Variants in SLC9A9 observed in about 807,000 individuals in gnomAD.
SLC9A9 encodes the protein sodium/hydrogen exchanger 9.
Under a neutral mutation model 77.8 loss-of-function variants are expected in SLC9A9, and 62 were observed. The ratio of observed to expected loss-of-function variants is 0.80; its 90% CI spans 0.65 to 0.98. The LOEUF (loss-of-function observed/expected upper bound fraction) is 0.98. Among genes scored for constraint, SLC9A9 ranks in the 50% least tolerant of loss-of-function variants. The probability of loss-of-function intolerance (pLI) is 0.00; values close to 1 mark genes in which losing one functional copy is unlikely to be tolerated. For synonymous variants in SLC9A9, 320 were observed against 283.5 expected (o/e 1.13, Z -1.29); for missense variants, 775 against 774.9 (o/e 1.00, Z 0.00).
chr3:143,796,798 A>G, intron 3 of SLC9A9, 28 bp downstream of exon 3: 1 of 1,519,970 alleles, frequency 6.6e-7, no homozygotes, highest in Non-Finnish European at 9.1e-7. Flanking sequence ...TTAATGATAA[A>G]AGAAGAAAAT....
intron 14 of SLC9A9, among the ~76,000 whole-genome samples, chr3:143,309,433 AG>A (rs2030936723): frequency 7.2e-6 from 1 of 138,156 alleles, no homozygotes; most frequent in Non-Finnish European, 1.5e-5. Flanking sequence ...AAAAAAAAAA[AG>A]GTTCATTTGG....
intron 6 of SLC9A9, among the ~76,000 whole-genome samples, chr3:143,603,258 G>A (rs1340997454): frequency 6.6e-6 from 1 of 152,216 alleles, no homozygotes; most frequent in African/African-American, 2.4e-5. Context: ...ACCATCTAAA[G>A]TATGTGAGAT....
chr3:143,392,785 G>T (rs1375942567), intron 12 of SLC9A9, among the ~76,000 whole-genome samples: 1 of 152,132 alleles, frequency 6.6e-6, no homozygotes, highest in Admixed American at 6.5e-5. Flanking sequence ...AACAAAAAAG[G>T]CAGGGGTTGC....
chr3:143,767,839 T>C (rs752299305), intron 4 of SLC9A9, among the ~76,000 whole-genome samples: 6 of 152,222 alleles, frequency 3.9e-5, no homozygotes, highest in Non-Finnish European at 8.8e-5. Flanking sequence ...CTAATGATTA[T>C]AAAGAGGAAG....
intron 4 of SLC9A9, among the ~76,000 whole-genome samples, chr3:143,718,749 C>T (rs562064450): frequency 3.3e-5 from 5 of 152,172 alleles, no homozygotes; most frequent in Non-Finnish European, 7.3e-5. Context: ...ATTGAACATT[C>T]CCTCTTTTTT....
chr3:143,719,471 A>G (rs190963460), intron 4 of SLC9A9, among the ~76,000 whole-genome samples: 19 of 152,326 alleles, frequency 1.2e-4, no homozygotes, highest in African/African-American at 4.3e-4. Context: ...ATTCATTAAA[A>G]GAGTTCTGGA....
At chr3:143,546,968 C>T (rs2036801801) in intron 9 of SLC9A9, among the ~76,000 whole-genome samples, 1 of 152,206 alleles carries the variant, frequency 6.6e-6, no homozygotes, top group Non-Finnish European at 1.5e-5. Context: ...AGGTTTTCTG[C>T]CAACATTGTT....
intron 8 of SLC9A9, among the ~76,000 whole-genome samples, chr3:143,557,496 G>T (rs913585068): frequency 1.3e-5 from 2 of 152,186 alleles, no homozygotes; most frequent in African/African-American, 4.8e-5. Flanking sequence ...ATGTGGGAAA[G>T]TTCAGAACTT....
At chr3:143,394,611 A>G (rs1008459480) in intron 12 of SLC9A9, among the ~76,000 whole-genome samples, 5 of 152,084 alleles carry the variant, frequency 3.3e-5, no homozygotes, top group Admixed American at 2.0e-4. Context: ...GGGCAATCAG[A>G]CAGGAGAAGG....
At chr3:143,344,378 G>C (rs536140478) in intron 14 of SLC9A9, 1 of 152,110 alleles carries the variant, frequency 6.6e-6, no homozygotes, top group East Asian at 1.9e-4. Flanking sequence ...AAGAGAATAG[G>C]GCAAAATATT....
intron 11 of SLC9A9, among the ~76,000 whole-genome samples, chr3:143,489,588 A>G (rs2035706242): frequency 6.6e-6 from 1 of 152,076 alleles, no homozygotes; most frequent in Admixed American, 6.6e-5. Flanking sequence ...AAAGAATAGG[A>G]CAAAAATGTC....
chr3:143,690,451 C>G (rs1174020002), intron 5 of SLC9A9, among the ~76,000 whole-genome samples: 1 of 152,008 alleles, frequency 6.6e-6, no homozygotes, highest in African/African-American at 2.4e-5. Context: ...TTAGAAAAAG[C>G]CAAGGCCTTT....
chr3:143,833,706 G>A (rs986407219), intron 1 of SLC9A9, among the ~76,000 whole-genome samples: 2 of 152,184 alleles, frequency 1.3e-5, no homozygotes, highest in Admixed American at 1.3e-4. Context: ...TGCTCAGCCA[G>A]GTGCTATGCT....
At position 143,606,400 on chromosome 3, in the gene SLC9A9, A is replaced by ATCTC. The variant is rs746582477; in HGVS notation, c.756-27681_756-27678dup. On this transcript the variant is annotated intron_variant, in intron 6 of 15. Coordinates refer to ENST00000316549, the MANE Select transcript of SLC9A9 (RefSeq NM_173653.4). ...CACTTCAGACTGGGCGAAAGAGTGA[A>ATCTC]TCTCTCTCTCTCTCTCTCTCTCTCT... Among the ~76,000 whole-genome samples the ATCTC allele has an allele frequency of 8.9e-3, 678 of 76,370 alleles. 7 individuals carry two copies. Among genetic ancestry groups the ATCTC allele is most frequent in the African/African-American group, 0.013 (224 of 17,638 alleles). The allele number at this position is 76,370 out of a possible 152,430, so 50.1% of individuals were successfully genotyped here.
intron 12 of SLC9A9, among the ~76,000 whole-genome samples, chr3:143,450,378 T>C (rs1218034411): frequency 6.6e-6 from 1 of 151,224 alleles, no homozygotes; most frequent in Non-Finnish European, 1.5e-5. Flanking sequence ...GATTAGAAAG[T>C]GGTCATGCTA....
At chr3:143,406,178 G>A (rs1035588270) in intron 12 of SLC9A9, among the ~76,000 whole-genome samples, 17 of 152,082 alleles carry the variant, frequency 1.1e-4, no homozygotes, top group African/African-American at 4.1e-4. Flanking sequence ...TTTCTCTTTT[G>A]AGTAGTTCTA....
intron 4 of SLC9A9, among the ~76,000 whole-genome samples, chr3:143,766,959 T>C (rs772800567): frequency 6.6e-6 from 1 of 152,196 alleles, no homozygotes. Flanking sequence ...GCAAATTTAT[T>C]CTTAAAAAGT....
intron 2 of SLC9A9, among the ~76,000 whole-genome samples, chr3:143,799,948 T>C (rs1372573741): frequency 6.6e-6 from 1 of 152,202 alleles, no homozygotes; most frequent in Admixed American, 6.5e-5. Context: ...ATGGCCAGGC[T>C]TCTAAACCTC....
At chr3:143,698,125 A>T (rs1355905323) in intron 4 of SLC9A9, 3 of 153,170 alleles carry the variant, frequency 2.0e-5, no homozygotes, top group Non-Finnish European at 4.4e-5. Context: ...AGGCACGATG[A>T]CTCAGGACAG....
Sources: allele counts gnomAD v4.1 joint callset (sites outside exome capture counted in the v4.1 genomes callset), GRCh38; gene constraint gnomAD v4.1.1; transcripts MANE v1.5; gene names NCBI Gene and HGNC (gene_info 2026-07-23, HGNC 2026-07-21).